SRFBP1: variants seen among roughly 807,000 people sequenced by gnomAD.
The protein encoded by SRFBP1 is serum response factor binding protein 1.
Under a neutral mutation model 45.5 loss-of-function variants are expected in SRFBP1, and 47 were observed. The observed-to-expected ratio is 1.03, with a 90% CI of 0.82 to 1.32. SRFBP1 has a LOEUF of 1.32. Among genes scored for constraint, SRFBP1 ranks in the 40% most tolerant of loss-of-function variants. The pLI is 0.00. For synonymous variants in SRFBP1, 203 were observed against 166.3 expected (o/e 1.22, Z -1.70); for missense variants, 621 against 484.6 (o/e 1.28, Z -2.64).
intron 2 of SRFBP1, among the ~76,000 whole-genome samples, chr5:122,068,689 A>G (rs548634222): frequency 6.6e-6 from 1 of 152,268 alleles, no homozygotes; most frequent in South Asian, 2.1e-4. Flanking sequence ...GAAATTCATA[A>G]GTAATTAACT....
chr5:121,970,378 A>G (rs1025788801), intron 1 of SRFBP1, among the ~76,000 whole-genome samples: 1 of 152,144 alleles, frequency 6.6e-6, no homozygotes, highest in Admixed American at 6.6e-5. Context: ...AGCAAATGGT[A>G]TATTATCATC....
At position 122,020,735 on chromosome 5, in the gene SRFBP1, A is replaced by C; in HGVS notation, c.1000A>C (p.Ser334Arg). 1 of 1,608,484 alleles carries C rather than the reference A, an allele frequency of 6.2e-7. No homozygotes were observed. Among genetic ancestry groups the C allele is most frequent in the Non-Finnish European group, 8.5e-7 (1 of 1,178,666 alleles). The change falls in exon 6 of 8, where the codon AGT becomes CGT. Residue 334 changes from serine (S) to arginine (R), a missense_variant. Physicochemically the swap from Ser to Arg is moderately radical, Grantham distance 110 (BLOSUM62 -1). Transcript: ENST00000339397. Reference sequence around the variant, plus strand: ...TACAAGAAATGACAAAATCAAGCCAAGTACAGAAACCAGAAAGTTAGAATC... The same window carrying C: ...TACAAGAAATGACAAAATCAAGCCACGTACAGAAACCAGAAAGTTAGAATC... ...GDTRNDKIKPSTETRKLESVF... is the reference protein window; with the variant it reads ...GDTRNDKIKPRTETRKLESVF...
intron 2 of SRFBP1, chr5:122,070,634 A>C: frequency 1.0e-6 from 1 of 987,852 alleles, no homozygotes; most frequent in Non-Finnish European, 1.6e-6. Context: ...GTATGTGGTC[A>C]GACTATGATA....
chr5:122,052,528 T>G (rs555695758), intron 2 of SRFBP1, among the ~76,000 whole-genome samples: 2 of 152,342 alleles, frequency 1.3e-5, no homozygotes, highest in East Asian at 3.9e-4. Flanking sequence ...CTCCCTCAGC[T>G]TGGTCTATTC....
intron 2 of SRFBP1, among the ~76,000 whole-genome samples, chr5:122,067,914 T>C (rs2152585674): frequency 6.6e-6 from 1 of 152,158 alleles, no homozygotes; most frequent in East Asian, 1.9e-4. Context: ...ACCTCTCCTC[T>C]GTCTGAACTC....
In SRFBP1 at chr5:122,049,217, G is replaced by T. The variant is rs1753923771; in HGVS notation, n.312-26098G>T. On this transcript the variant is annotated intron_variant and non_coding_transcript_variant, in intron 2 of 2. Coordinates refer to the SRFBP1 transcript ENST00000504881. Reference sequence around the variant, plus strand: ...AAATGGAAGACAAAAAAATGCAGGGGTTGCAATCCTGGTCTCTGATAAAAC... The same window carrying T: ...AAATGGAAGACAAAAAAATGCAGGGTTTGCAATCCTGGTCTCTGATAAAAC... Among the ~76,000 whole-genome samples the T allele has an allele frequency of 2.0e-5, 3 of 152,102 alleles. No individual in the cohort carries two copies. In the East Asian group the frequency reaches 5.8e-4, roughly 29 times the overall value.
At chr5:121,995,698 C>G (rs1262435530) in intron 4 of SRFBP1, among the ~76,000 whole-genome samples, 4 of 151,880 alleles carry the variant, frequency 2.6e-5, no homozygotes, top group Admixed American at 2.6e-4. Context: ...CACAAAAAAC[C>G]CTTCAAAAAA....
intron 3 of SRFBP1, 125 bp from the exon 4 acceptor site, chr5:121,994,474 G>A (rs1329956558): frequency 1.5e-6 from 1 of 656,900 alleles, no homozygotes; most frequent in African/African-American, 1.9e-5. Flanking sequence ...TTTTATGGGA[G>A]TTAATTCTTT....
At chr5:121,976,837 C>T (rs1752312091) in intron 3 of SRFBP1, among the ~76,000 whole-genome samples, 1 of 150,356 alleles carries the variant, frequency 6.7e-6, no homozygotes, top group South Asian at 2.1e-4. Flanking sequence ...TGTTTAAAAA[C>T]TGGAGTAAAC....
rs766326349 is a variant in SRFBP1 at position 122,020,647 on chromosome 5, T to A, written c.912T>A (p.Val304=). ...RKKESSCHSS[V]KEQKPLEKVF... The stretch of plus-strand genomic sequence containing the variant: ...AGGAAAGTAGTTGTCATTCTTCAGT[T>A]AAGGAACAAAAACCACTAGAAAAAG... Residue 304 remains valine (V), a synonymous_variant, in exon 6 of 8, where the codon GTT becomes GTA. Coordinates refer to ENST00000339397, the MANE Select transcript of SRFBP1 (RefSeq NM_152546.3). 5.0e-5 allele frequency: 80 copies of A among 1,613,880 alleles called. No homozygotes were observed. The highest frequency in any genetic ancestry group is 6.3e-5 in the Non-Finnish European group (74 of 1,179,974).
At position 122,019,293 on chromosome 5, in the gene SRFBP1, A is replaced by C; in HGVS notation, c.304A>C (p.Arg102=). ...TACTGCAACTGAAAGAGCAATTGCC[A>C]GACTAGCAGTACATCCTCTTCTGAA... ...DSTATERAIA[R]LAVHPLLKKK... Residue 102 remains arginine (R), a synonymous_variant, in exon 5 of 8, where the codon AGA becomes CGA. Transcript: ENST00000339397. The C allele has an allele frequency of 6.2e-7, 1 of 1,612,728 alleles. No homozygotes were observed. Among genetic ancestry groups the C allele is most frequent in the Middle Eastern group, 1.7e-4 (1 of 6,042 alleles).
In SRFBP1 at chr5:121,964,544, T is replaced by C. The variant is rs187577112; in HGVS notation, c.36+2476T>C. On this transcript the variant is annotated intron_variant, in intron 1 of 7. Coordinates refer to ENST00000339397, the MANE Select transcript of SRFBP1 (RefSeq NM_152546.3). ...GAACTCATCATTTTTTATGGCTGCA[T>C]AGTATTCCATGGTGTATATGTGCCG... 4.7e-3 allele frequency among the ~76,000 whole-genome samples: 710 copies of C among 152,314 alleles called. 6 individuals are homozygous for C. Among genetic ancestry groups the C allele is most frequent in the African/African-American group, 0.016 (669 of 41,554 alleles).
chr5:122,000,745 T>C (rs1741516711), intron 4 of SRFBP1, among the ~76,000 whole-genome samples: 1 of 152,114 alleles, frequency 6.6e-6, no homozygotes, highest in African/African-American at 2.4e-5. Flanking sequence ...TGTCCATCTT[T>C]TTTGTTTTTT....
At chr5:121,962,510 G>A (rs986623454) in intron 1 of SRFBP1, among the ~76,000 whole-genome samples, 2 of 152,198 alleles carry the variant, frequency 1.3e-5, no homozygotes, top group African/African-American at 4.8e-5. Context: ...TAAGAAATTG[G>A]TGGTCTTGAA....
At chr5:121,973,789 TAGTC>T (rs1406632022) in intron 1 of SRFBP1, among the ~76,000 whole-genome samples, 1 of 151,896 alleles carries the variant, frequency 6.6e-6, no homozygotes, top group Non-Finnish European at 1.5e-5. Context: ...CTAATTAAAA[TAGTC>T]ATTCAACAAA....
chr5:121,963,126 G>A (rs1751986788), intron 1 of SRFBP1, among the ~76,000 whole-genome samples: 1 of 152,202 alleles, frequency 6.6e-6, no homozygotes, highest in South Asian at 2.1e-4. Flanking sequence ...TCCAGGCAGA[G>A]GGACTGGTAT....
chr5:122,022,207 C>T (rs147345777), intron 6 of SRFBP1, among the ~76,000 whole-genome samples, 163 bp from the exon 7 acceptor site: 3 of 152,274 alleles, frequency 2.0e-5, no homozygotes, highest in East Asian at 1.9e-4. Flanking sequence ...TTGTTTGATA[C>T]AGCTACAACC....
At chr5:122,012,126 A>G (rs180964420) in intron 4 of SRFBP1, among the ~76,000 whole-genome samples, 7 of 152,248 alleles carry the variant, frequency 4.6e-5, no homozygotes, top group Non-Finnish European at 7.4e-5. Flanking sequence ...TGGCTAGGTA[A>G]TCTTGAAATC....
intron 3 of SRFBP1, among the ~76,000 whole-genome samples, chr5:121,990,706 A>G (rs1305792017): frequency 2.0e-5 from 3 of 152,210 alleles, no homozygotes; most frequent in African/African-American, 7.2e-5. Flanking sequence ...TGAAGAGCTT[A>G]CACTCTAGGC....
Sources: gnomAD v4.1 joint callset for allele counts (sites outside exome capture counted in the v4.1 genomes callset) on GRCh38, gnomAD v4.1.1 for gene constraint, MANE v1.5 for transcripts, NCBI Gene and HGNC (gene_info 2026-07-23, HGNC 2026-07-21) for gene names.